Variants in BDP1 observed in about 807,000 individuals in gnomAD.
BDP1 encodes BDP1 general transcription factor IIIB subunit, also known as transcription factor TFIIIB component B'' homolog.
A neutral mutation model predicts 266.6 loss-of-function variants in BDP1; 169 were observed. That is an observed-to-expected ratio of 0.63 (90% CI 0.56 to 0.72). The LOEUF (loss-of-function observed/expected upper bound fraction) is 0.72. Among genes scored for constraint, BDP1 ranks in the 30% least tolerant of loss-of-function variants. The pLI, the probability that BDP1 is intolerant of heterozygous loss-of-function variation, is 0.00. For synonymous variants in BDP1, 1,090 were observed against 1,022.4 expected (o/e 1.07, Z -1.26); for missense variants, 3,015 against 3,053.8 (o/e 0.99, Z 0.30).
At chr5:71,519,673 G>A (rs1334778620) in intron 22 of BDP1, among the ~76,000 whole-genome samples, 1 of 152,086 alleles carries the variant, frequency 6.6e-6, no homozygotes, top group South Asian at 2.1e-4. Context: ...ATATTCCATT[G>A]TGTATATATA....
rs747645802 is a variant in BDP1 at position 71,458,678 on chromosome 5, G to A, written c.312G>A (p.Leu104=). The change falls in exon 2 of 39, where the codon CTG becomes CTA. Residue 104 remains leucine (L), a synonymous_variant. Transcript: ENST00000358731. ...AGCGAATATCAAGTACTTCTAGCCT[G>A]GTTAAGTCTAGTGTCAGTGTTCCTT... The part of the protein sequence containing the change: ...RRKRISSTSS[L]VKSSVSVPSE... 2 of 1,613,918 alleles carry A rather than the reference G, an allele frequency of 1.2e-6. No homozygotes were observed. The highest frequency in any genetic ancestry group is 4.5e-5 in the East Asian group (2 of 44,868).
chr5:71,542,503 T>C (rs1485773242), intron 30 of BDP1, among the ~76,000 whole-genome samples: 1 of 152,154 alleles, frequency 6.6e-6, no homozygotes, highest in African/African-American at 2.4e-5. Context: ...TCTCTCTGTC[T>C]CTCTCTTTCT....
At chr5:71,490,841 A>G in intron 10 of BDP1, 143 bp from the exon 11 acceptor site, 1 of 743,392 alleles carries the variant, frequency 1.3e-6, no homozygotes, top group Non-Finnish European at 2.0e-6. Context: ...TGGTCTAAAA[A>G]TAAGATGTGT....
At position 71,545,202 on chromosome 5, in the gene BDP1, A is replaced by G; in HGVS notation, c.6727A>G (p.Thr2243Ala). 1 of 1,613,564 alleles carries G rather than the reference A, an allele frequency of 6.2e-7. No homozygotes were observed. The highest frequency in any genetic ancestry group is 1.3e-5 in the African/African-American group (1 of 74,908). The change falls in exon 32 of 39, where the codon ACA (threonine) becomes GCA (alanine). Residue 2243 changes from threonine (T) to alanine (A), a missense_variant. Coordinates refer to ENST00000358731, the MANE Select transcript of BDP1 (RefSeq NM_018429.3). ...IKDSKGDSVLTLPVPEYTPTS... is the reference protein window; with the variant it reads ...IKDSKGDSVLALPVPEYTPTS... ...GGACTCTAAAGGAGACAGTGTGCTT[A>G]CACTTCCTGTGCCAGAGGTAAAAGA...
At chr5:71,536,962 A>G (rs545370210) in intron 26 of BDP1, among the ~76,000 whole-genome samples, 1 of 152,120 alleles carries the variant, frequency 6.6e-6, no homozygotes, top group South Asian at 2.1e-4. Flanking sequence ...CCCCGTCTCT[A>G]CTAAAAATAC....
Position 71,522,906 on chromosome 5 carries a change from C to A in BDP1, c.5344C>A (p.Pro1782Thr). ...AGAGGAAACTGTAGGAGATAATTCA[C>A]CATCTTCAGTTGTTGAAGAGCAATA... is the stretch of plus-strand genomic sequence containing the variant. Reference protein sequence around the residue: ...VGEETVGDNSPSSVVEEQYLN... With the variant: ...VGEETVGDNSTSSVVEEQYLN... Residue 1782 changes from proline to threonine, a missense_variant, in exon 24 of 39, where the codon CCA becomes ACA. By Grantham distance (38) the Pro-to-Thr change is conservative. Around this residue, in one of 3 missense-constraint regions of BDP1, gnomAD observed 2,383 missense variants for 2,404.9 expected, o/e 0.99. Transcript: ENST00000358731. 1 of 1,606,406 alleles carries A rather than the reference C, an allele frequency of 6.2e-7. No individual in the cohort carries two copies. The highest frequency in any genetic ancestry group is 2.2e-5 in the East Asian group (1 of 44,740).
chr5:71,512,445 A>G lies in BDP1; in HGVS notation c.4247+17A>G, dbSNP rs1236062239. On this transcript the variant is annotated intron_variant, in intron 18 of 38. Coordinates refer to ENST00000358731, the MANE Select transcript of BDP1 (RefSeq NM_018429.3). ...TAATTTAAGGTACAAGTGTGTTTTTAAAGAAAAAGATATTAAGTTATAGTT... is the reference window on the plus strand; with the variant it reads ...TAATTTAAGGTACAAGTGTGTTTTTGAAGAAAAAGATATTAAGTTATAGTT... 1.4e-6 allele frequency: 2 copies of G among 1,465,314 alleles called. No individual in the cohort carries two copies. Among genetic ancestry groups the G allele is most frequent in the African/African-American group, 1.4e-5 (1 of 69,976 alleles). 90.8% of individuals were successfully genotyped at this position (1,465,314 alleles called of 1,614,324 possible).
intron 34 of BDP1, among the ~76,000 whole-genome samples, chr5:71,552,224 G>A (rs1358258129): frequency 9.2e-5 from 14 of 151,604 alleles, no homozygotes; most frequent in South Asian, 4.2e-4. Flanking sequence ...CCCAGACGGG[G>A]CGGCGGGGCA....
chr5:71,461,836 A>T lies in BDP1; in HGVS notation c.509A>T (p.Tyr170Phe). The T allele has an allele frequency of 6.3e-7, 1 of 1,599,628 alleles. No individual in the cohort carries two copies. Among genetic ancestry groups the T allele is most frequent in the Non-Finnish European group, 8.5e-7 (1 of 1,170,784 alleles). Residue 170 changes from tyrosine to phenylalanine, a missense_variant, in exon 3 of 39, where the codon TAT (tyrosine) becomes TTT (phenylalanine). Coordinates refer to ENST00000358731, the MANE Select transcript of BDP1 (RefSeq NM_018429.3). ...RKEKKQWKNK[Y>F]AINESQRPPD... The stretch of plus-strand genomic sequence containing the variant: ...ATACAGAAACAATGGAAAAACAAAT[A>T]TGCTATAAATGAAAGTCAGAGGCCA...
intron 26 of BDP1, among the ~76,000 whole-genome samples, chr5:71,537,303 C>T (rs1475210434): frequency 1.3e-5 from 2 of 152,058 alleles, no homozygotes; most frequent in South Asian, 2.1e-4. Context: ...CAAAGCCTCC[C>T]ATAATTCAAT....
At chr5:71,569,686 A>G (rs1744201774), downstream of BDP1, among the ~76,000 whole-genome samples, 1 of 152,172 alleles carries the variant, frequency 6.6e-6, no homozygotes, top group African/African-American at 2.4e-5. Context: ...TGGAGGTTGC[A>G]GTACGCTGAT....
rs780842217 is a variant in BDP1, at chr5:71,502,758, G to C, written c.2208G>C (p.Glu736Asp). 2 of 1,613,678 alleles carry C rather than the reference G, an allele frequency of 1.2e-6. No individual in the cohort carries two copies. The highest frequency in any genetic ancestry group is 8.5e-7 in the Non-Finnish European group (1 of 1,179,926). The change falls in exon 15 of 39, where the codon GAG (glutamate) becomes GAC (aspartate). Residue 736 changes from glutamate (E) to aspartate (D), a missense_variant. By Grantham distance (45) the Glu-to-Asp change is conservative. This residue lies in a region of BDP1 where 2,383 missense variants were observed against 2,404.9 expected (regional missense o/e 0.99). Transcript: ENST00000358731. ...ISQEEIGANV[E>D]KNENESCADR... ...AGGAAGAAATTGGGGCCAATGTAGA[G>C]AAGAATGAAAATGAATCCTGTGCTG...
chr5:71,569,499 C>G (rs1300791562), downstream of BDP1, among the ~76,000 whole-genome samples: 2 of 152,150 alleles, frequency 1.3e-5, no homozygotes, highest in Admixed American at 1.3e-4. Flanking sequence ...GTAATCCTAG[C>G]ACTTTGGGAG....
intron 7 of BDP1, among the ~76,000 whole-genome samples, chr5:71,480,969 G>T (rs1762921543): frequency 6.6e-6 from 1 of 152,142 alleles, no homozygotes; most frequent in Non-Finnish European, 1.5e-5. Flanking sequence ...GAGGTCAGGA[G>T]ATAAAGACCA....
chr5:71,539,672 A>G (rs763238057), intron 28 of BDP1, 23 bp downstream of exon 28: 14 of 1,525,202 alleles, frequency 9.2e-6, no homozygotes, highest in East Asian at 2.3e-5. Flanking sequence ...GCTAAGTCCT[A>G]TCAAAAATAG....
At chr5:71,577,966 T>G in the BDP1 span, among the ~76,000 whole-genome samples, 1 of 152,124 alleles carries the variant, frequency 6.6e-6, no homozygotes, top group Admixed American at 6.6e-5. Flanking sequence ...AACTCAGCAT[T>G]CCACTGGAGG....
chr5:71,555,396 G>A (rs1278548304), intron 35 of BDP1, among the ~76,000 whole-genome samples: 1 of 150,968 alleles, frequency 6.6e-6, no homozygotes, highest in African/African-American at 2.4e-5. Flanking sequence ...ATTTGTTCTG[G>A]GGCCAGTATC....
rs1194771346 is a variant in BDP1, at chr5:71,565,558, T to G, written c.*673T>G. ...CTACAGTATTCAGCATAGTAACACA[T>G]TGTAGAGGTTTGTAGCCGAGGAGCA... On this transcript the variant is annotated 3_prime_UTR_variant, in exon 39 of 39. Coordinates refer to ENST00000358731, the MANE Select transcript of BDP1 (RefSeq NM_018429.3). The G allele has an allele frequency of 6.6e-6, 1 of 152,500 alleles. No homozygotes were observed. The highest frequency in any genetic ancestry group is 2.4e-5 in the African/African-American group (1 of 41,450). 9.4% of individuals were successfully genotyped at this position (152,500 alleles called of 1,614,324 possible). A position where few individuals can be genotyped will look rare whatever the true frequency, so the allele number is the denominator to read the frequency against.
chr5:71,500,606 C>T (rs1433680103), intron 13 of BDP1, among the ~76,000 whole-genome samples: 2 of 151,966 alleles, frequency 1.3e-5, no homozygotes, highest in Non-Finnish European at 1.5e-5. Context: ...GGATTACAGG[C>T]GTGAGCCACC....
Sources: allele counts gnomAD v4.1 joint callset (sites outside exome capture counted in the v4.1 genomes callset), GRCh38; gene constraint gnomAD v4.1.1; regional missense constraint gnomAD v4.1.1; transcripts MANE v1.5; gene names NCBI Gene and HGNC (gene_info 2026-07-23, HGNC 2026-07-21).